Variants in SUN1 observed in about 807,000 individuals in gnomAD.
The protein encoded by SUN1 is Sad1 and UNC84 domain containing 1, also known as SUN domain-containing protein 1.
In SUN1, 61 loss-of-function variants were observed where a neutral mutation model predicts 103.2. The observed-to-expected ratio is 0.59, with a 90% CI of 0.48 to 0.73. SUN1 has a LOEUF of 0.73. Among genes scored for constraint, SUN1 ranks in the 30% least tolerant of loss-of-function variants. SUN1 has a pLI of 0.00. For synonymous variants in SUN1, 490 were observed against 425.7 expected (o/e 1.15, Z -1.86); for missense variants, 1,052 against 1,034.6 (o/e 1.02, Z -0.23).
chr7:842,817 G>T (rs764193540), intron 3 of SUN1: 5 of 327,510 alleles, frequency 1.5e-5, no homozygotes, highest in Non-Finnish European at 2.9e-5. Flanking sequence ...CTTGGTATTG[G>T]TGTTTGTTCT....
chr7:862,156 A>G (rs183073110), intron 15 of SUN1, among the ~76,000 whole-genome samples: 69 of 152,336 alleles, frequency 4.5e-4, no homozygotes, highest in African/African-American at 1.6e-3. Context: ...CTGTTATGGA[A>G]ATCAAAATCT....
chr7:872,586 C>A (rs1000176324), intron 18 of SUN1, 24 bp downstream of exon 18: 3 of 1,548,422 alleles, frequency 1.9e-6, no homozygotes, highest in Non-Finnish European at 2.6e-6. Flanking sequence ...CTGGCACTGC[C>A]TGGGGTCTCT....
chr7:822,472 C>T (rs989098834), intron 1 of SUN1, among the ~76,000 whole-genome samples: 4 of 152,186 alleles, frequency 2.6e-5, no homozygotes, highest in Non-Finnish European at 4.4e-5. Context: ...TGGGTCCCTA[C>T]GGTGGGGAGA....
chr7:851,404 C>G lies in SUN1; in HGVS notation c.679C>G (p.Leu227Val). The change falls in exon 6 of 19, where the codon CTG (leucine) becomes GTG (valine). Residue 227 changes from leucine (L) to valine (V), a missense_variant. Leu to Val is a conservative substitution (Grantham distance 32). Transcript: ENST00000401592. ...NQKCYFLLQI[L>V]RRIGAVGQAV... ...CACAGGTTACTTCTTGCTGCAGATT[C>G]TGCGCAGGATCGGAGCTGTGGGCCA... The G allele has an allele frequency of 6.2e-7, 1 of 1,607,216 alleles. No individual in the cohort carries two copies. Among genetic ancestry groups the G allele is most frequent in the South Asian group, 1.1e-5 (1 of 89,544 alleles).
intron 5 of SUN1, among the ~76,000 whole-genome samples, chr7:847,526 CTGGGGGT>C (rs1817365178): frequency 2.4e-5 from 2 of 84,658 alleles, no homozygotes; most frequent in Non-Finnish European, 4.9e-5. Context: ...CGGCCTTCCC[CTGGGGGT>C]TACCCCGCAG....
chr7:873,279 C>T lies in SUN1; in HGVS notation c.2306C>T (p.Pro769Leu). The change falls in exon 19 of 19, where the codon CCT (proline) becomes CTT (leucine). Residue 769 changes from proline to leucine, a missense_variant. Pro to Leu is a moderately conservative substitution (Grantham distance 98). Around this residue, in one of 2 missense-constraint regions of SUN1, gnomAD observed 206 missense variants for 260.1 expected, o/e 0.79. Transcript: ENST00000401592. ...CGGATTTTTTCTAACTGGGGCCATC[C>T]TGAGTATACCTGTCTGTATCGGTTC... ...ELRIFSNWGH[P>L]EYTCLYRFRV... The T allele has an allele frequency of 6.2e-7, 1 of 1,614,238 alleles. No individual in the cohort carries two copies. The highest frequency in any genetic ancestry group is 2.2e-5 in the East Asian group (1 of 44,892).
At chr7:821,320 C>G (rs1218809487) in intron 1 of SUN1, among the ~76,000 whole-genome samples, 1 of 151,934 alleles carries the variant, frequency 6.6e-6, no homozygotes, top group African/African-American at 2.4e-5. Flanking sequence ...CAGGTGCACG[C>G]CACCACGCCC....
chr7:867,786 C>G (rs939794233), intron 16 of SUN1, among the ~76,000 whole-genome samples: 4 of 152,230 alleles, frequency 2.6e-5, no homozygotes, highest in Admixed American at 6.5e-5. Context: ...CTCGCCAGAG[C>G]GTCTCTCCAG....
At chr7:869,542 C>G in intron 17 of SUN1, 26 bp downstream of exon 17, 1 of 1,603,798 alleles carries the variant, frequency 6.2e-7, no homozygotes, top group Non-Finnish European at 8.5e-7. Context: ...CGACCCTCCT[C>G]CTCCCACACC....
At chr7:862,410 TC>T (rs1027087024) in intron 15 of SUN1, among the ~76,000 whole-genome samples, 6 of 152,340 alleles carry the variant, frequency 3.9e-5, no homozygotes, top group African/African-American at 1.4e-4. Context: ...TTTGCCACCC[TC>T]TGAGTTCTTT....
intron 5 of SUN1, chr7:843,971 TGGAG>T (rs1410703751): frequency 1.1e-6 from 1 of 880,686 alleles, no homozygotes; most frequent in African/African-American, 1.8e-5. Context: ...CTTATGGTGA[TGGAG>T]GGGCCTTCAG....
At chr7:824,604 A>G (rs574434818) in intron 1 of SUN1, among the ~76,000 whole-genome samples, 1 of 152,328 alleles carries the variant, frequency 6.6e-6, no homozygotes, top group African/African-American at 2.4e-5. Flanking sequence ...TGGGGTTTGT[A>G]TTAAAAAGAT....
At chr7:816,620 G>T (rs1374302527) in exon 1 of SUN1, 5 of 387,292 alleles carry the variant, frequency 1.3e-5, no homozygotes, top group African/African-American at 2.2e-5. Flanking sequence ...TGGGCAGAGC[G>T]TCTTCTCGGG....
At chr7:866,164 A>G (rs1260070042) in intron 16 of SUN1, 97 bp downstream of exon 16, 3 of 1,016,606 alleles carry the variant, frequency 3.0e-6, no homozygotes, top group Non-Finnish European at 4.5e-6. Context: ...ACTTCGTAAG[A>G]TGAACACGTC....
chr7:851,081 C>T (rs866058634), intron 5 of SUN1: 2 of 217,378 alleles, frequency 9.2e-6, no homozygotes, highest in South Asian at 1.0e-4. Context: ...ATTTGTAGGG[C>T]GGCTTCCAAC....
At chr7:842,904 G>A in intron 3 of SUN1, 2 of 534,466 alleles carry the variant, frequency 3.7e-6, no homozygotes, top group Non-Finnish European at 6.8e-6. Context: ...GCCTTGCTGA[G>A]CGGGCTGTGA....
chr7:863,907 A>C (rs979618032), intron 15 of SUN1, among the ~76,000 whole-genome samples: 1 of 152,222 alleles, frequency 6.6e-6, no homozygotes, highest in Admixed American at 6.5e-5. Flanking sequence ...AACTCTTAAC[A>C]CTCAATTTGA....
chr7:825,908 T>C lies in SUN1; in HGVS notation c.-74+9235T>C, dbSNP rs558100602. On this transcript the variant is annotated intron_variant, in intron 1 of 17. Coordinates refer to the SUN1 transcript ENST00000389574. ...AACATTTAGTACTGGTTTTTTTTTTTCCAGAATTTTAGTTTTAAATAATTA... is the reference window on the plus strand; with the variant it reads ...AACATTTAGTACTGGTTTTTTTTTTCCCAGAATTTTAGTTTTAAATAATTA... Among the ~76,000 whole-genome samples the C allele has an allele frequency of 4.2e-4, 64 of 151,848 alleles. 1 individual carries two copies. Among genetic ancestry groups the C allele is most frequent in the Middle Eastern group, 3.4e-3 (1 of 294 alleles).
chr7:842,146 A>T lies in SUN1; in HGVS notation c.451+16A>T. 6.2e-7 allele frequency: 1 copy of T among 1,605,992 alleles called. No homozygotes were observed. The highest frequency in any genetic ancestry group is 8.5e-7 in the Non-Finnish European group (1 of 1,173,564). On this transcript the variant is annotated intron_variant, in intron 3 of 18. Coordinates refer to ENST00000401592, the MANE Select transcript of SUN1 (RefSeq NM_001130965.3). ...CACTTCTGGGGTGAGTCCCTGCGAGACACAGATTGTCCCGCCTACAGTTGG... is the reference window on the plus strand; with the variant it reads ...CACTTCTGGGGTGAGTCCCTGCGAGTCACAGATTGTCCCGCCTACAGTTGG...
Sources: allele counts gnomAD v4.1 joint callset (sites outside exome capture counted in the v4.1 genomes callset), GRCh38; gene constraint gnomAD v4.1.1; regional missense constraint gnomAD v4.1.1; transcripts MANE v1.5; gene names NCBI Gene and HGNC (gene_info 2026-07-23, HGNC 2026-07-21).